ZBP1: variants seen among roughly 807,000 people sequenced by gnomAD.
ZBP1 encodes the protein Z-DNA binding protein 1, also known as Z-DNA-binding protein 1.
ZBP1 carries 42 observed loss-of-function variants against 41.1 expected under a neutral mutation model. That is an observed-to-expected ratio of 1.02 (90% confidence interval 0.80 to 1.32). The LOEUF (loss-of-function observed/expected upper bound fraction) is 1.32. ZBP1 is among the 40% of genes most tolerant of loss of function. ZBP1 has a pLI of 0.00. For missense variants in ZBP1, 562 were observed against 549.7 expected (o/e 1.02, Z -0.22); for synonymous variants, 214 against 205.2 (o/e 1.04, Z -0.37).
intron 3 of ZBP1, 76 bp downstream of exon 3, chr20:57,615,436 C>T: frequency 1.3e-6 from 2 of 1,499,472 alleles, no homozygotes; most frequent in Non-Finnish European, 1.9e-6. Context: ...AGATCTTGTA[C>T]CCTCAAGGAG....
intron 1 of ZBP1, among the ~76,000 whole-genome samples, chr20:57,619,177 G>C (rs1220009828): frequency 2.0e-5 from 3 of 152,248 alleles, no homozygotes; most frequent in Admixed American, 2.0e-4. Context: ...AAGCTCCACA[G>C]GACCTCCGCG....
intron 5 of ZBP1, among the ~76,000 whole-genome samples, chr20:57,612,495 C>T (rs1205463818): frequency 2.6e-5 from 4 of 152,204 alleles, no homozygotes; most frequent in African/African-American, 9.7e-5. Flanking sequence ...CAAGGTTCCT[C>T]ATTTCACAAC....
At chr20:57,615,886 G>A (rs1157263239) in intron 2 of ZBP1, 4 of 530,936 alleles carry the variant, frequency 7.5e-6, no homozygotes, top group Non-Finnish European at 1.3e-5. Context: ...TCTGGCTGTG[G>A]GCTGTAAAGC....
Position 57,616,251 on chromosome 20 carries a change from G to C in ZBP1, c.252C>G (p.Ser84=). Residue 84 remains serine (S), a synonymous_variant, in exon 2 of 8, where the codon TCC becomes TCG. Transcript: ENST00000371173. ...EGEGPAELAL[S]SPAERPQQHA... is the part of the protein sequence containing the mutation. ...CCCCGGGGTGGCAGTTACCAGGGCT[G>C]GACAAGGCCAGCTCTGCAGGACCCT... 6.2e-7 allele frequency: 1 copy of C among 1,614,122 alleles called. No individual in the cohort carries two copies. Among genetic ancestry groups the C allele is most frequent in the Non-Finnish European group, 8.5e-7 (1 of 1,180,006 alleles).
rs752604348 is a variant in ZBP1, at chr20:57,615,570, G to A, written c.270C>T (p.Pro90=). The change falls in exon 3 of 8, where the codon CCC becomes CCT. Residue 90 remains proline, a synonymous_variant. Coordinates refer to ENST00000371173, the MANE Select transcript of ZBP1 (RefSeq NM_030776.3). ...ELALSSPAER[P]QQHAATIPET... is the part of the protein sequence containing the mutation. Reference sequence around the variant, plus strand: ...CTGGAATTGTAGCTGCATGTTGCTGGGGCCTCTCGGCTGCAGAAAGAAAGA... The same window carrying A: ...CTGGAATTGTAGCTGCATGTTGCTGAGGCCTCTCGGCTGCAGAAAGAAAGA... The A allele has an allele frequency of 1.9e-6, 3 of 1,613,106 alleles. No individual in the cohort carries two copies. The South Asian group carries it at 3.3e-5, about 18-fold the overall frequency.
intron 3 of ZBP1, 106 bp downstream of exon 3, chr20:57,615,406 A>G: frequency 3.3e-6 from 4 of 1,225,558 alleles, no homozygotes; most frequent in African/African-American, 1.5e-5. Flanking sequence ...TGGGTGGGAC[A>G]GGGCCCCTGA....
rs1214803052 is a variant in ZBP1, at chr20:57,611,756, G to A, written c.845C>T (p.Pro282Leu). ...MRLHGVPSEG[P>L]AHIPPGSPPV... ...GGGGCTGCCAGGGGGGATGTGGGCA[G>A]GGCCCTCGGACGGGACGCCGTGGAG... Residue 282 changes from proline to leucine, a missense_variant, in exon 6 of 8, where the codon CCT (proline) becomes CTT (leucine). Transcript: ENST00000371173. 6.2e-7 allele frequency: 1 copy of A among 1,611,936 alleles called. No individual in the cohort carries two copies. Among genetic ancestry groups the A allele is most frequent in the African/African-American group, 1.3e-5 (1 of 74,900 alleles).
rs376286561 is a variant in ZBP1, at chr20:57,611,772, C to T, written c.829G>A (p.Val277Ile). ...GHSNEMRLHG[V>I]PSEGPAHIPP... is the part of the protein sequence containing the mutation. ...ATGTGGGCAGGGCCCTCGGACGGGA[C>T]GCCGTGGAGCCTCATCTCATTGCTG... is the stretch of plus-strand genomic sequence containing the variant. The change falls in exon 6 of 8, where the codon GTC (valine) becomes ATC (isoleucine). Residue 277 changes from valine (V) to isoleucine (I), a missense_variant. Transcript: ENST00000371173. 84 of 1,612,366 alleles carry T rather than the reference C, an allele frequency of 5.2e-5. No homozygotes were observed. Among genetic ancestry groups the T allele is most frequent in the Non-Finnish European group, 6.9e-5 (81 of 1,179,594 alleles).
In ZBP1 at chr20:57,616,345, T is replaced by C. The variant is rs35895307; in HGVS notation, c.158A>G (p.Lys53Arg). ...TGTGAGGGAGACTTTCAACTCCTTT[T>C]TCATTCGGTAGAGGACTTGGTTGAG... is the stretch of plus-strand genomic sequence containing the variant. ...RELNQVLYRM[K>R]KELKVSLTSP... The change falls in exon 2 of 8, where the codon AAA becomes AGA. Residue 53 changes from lysine to arginine, a missense_variant. By Grantham distance (26) the Lys-to-Arg change is conservative. Transcript: ENST00000371173. 5,626 of 1,614,158 alleles carry C rather than the reference T, an allele frequency of 3.5e-3. 151 individuals carry two copies. In the African/African-American group the frequency reaches 0.065, roughly 19 times the overall value.
Position 57,610,004 on chromosome 20 carries a change from G to GA in ZBP1, c.1093+144_1093+145insT, listed in dbSNP as rs1473031272. ...GAGCCTCCACGCTGACTCTAGAGCT[G>GA]CTGCTCCTCGCTGTGGGTGGGCACA... On this transcript the variant is annotated intron_variant, in intron 7 of 7. Coordinates refer to ENST00000371173, the MANE Select transcript of ZBP1 (RefSeq NM_030776.3). This position sits in a 1 kb window ranked among gnomAD's most constrained non-coding sequence, Gnocchi z 5.5. The GA allele has an allele frequency of 1.7e-4, 149 of 900,198 alleles. No homozygotes were observed. In the African/African-American group the frequency reaches 1.9e-3, roughly 12 times the overall value. 55.8% of individuals were successfully genotyped at this position (900,198 alleles called of 1,614,324 possible). A position where few individuals can be genotyped will look rare whatever the true frequency, so the allele number is the denominator to read the frequency against.
rs1336333227 is a variant in ZBP1, at chr20:57,610,535, C to A, written c.875-168G>T. ...CGCCACACCTCCACCCGCCACACCTCCGCTCGTGCTGTTGTGCTGTCTGGG... is the reference window on the plus strand; with the variant it reads ...CGCCACACCTCCACCCGCCACACCTACGCTCGTGCTGTTGTGCTGTCTGGG... On this transcript the variant is annotated intron_variant, in intron 6 of 7. Coordinates refer to ENST00000371173, the MANE Select transcript of ZBP1 (RefSeq NM_030776.3). The surrounding 1 kb of genome is among the most constrained non-coding windows in gnomAD (Gnocchi z 5.5). 3.0e-6 allele frequency: 2 copies of A among 666,224 alleles called. No homozygotes were observed. Among genetic ancestry groups the A allele is most frequent in the Admixed American group, 5.2e-5 (2 of 38,116 alleles). 41.3% of individuals were successfully genotyped at this position (666,224 alleles called of 1,614,324 possible).
Position 57,610,545 on chromosome 20 carries a change from T to C in ZBP1, c.875-178A>G, listed in dbSNP as rs1268799013. On this transcript the variant is annotated intron_variant, in intron 6 of 7. Transcript: ENST00000371173. The surrounding 1 kb of genome is among the most constrained non-coding windows in gnomAD (Gnocchi z 5.5). The stretch of plus-strand genomic sequence containing the variant: ...CCACCCGCCACACCTCCGCTCGTGC[T>C]GTTGTGCTGTCTGGGAAGCGTCTTT... 1.1e-5 allele frequency: 7 copies of C among 625,864 alleles called. No homozygotes were observed. In the East Asian group the frequency reaches 1.6e-4, roughly 15 times the overall value. The allele number at this position is 625,864 out of a possible 1,614,324, so 38.8% of individuals were successfully genotyped here. A position where few individuals can be genotyped will look rare whatever the true frequency, so the allele number is the denominator to read the frequency against.
Position 57,620,301 on chromosome 20 carries a change from C to T in ZBP1, c.-6G>A, listed in dbSNP as rs755059855. On this transcript the variant is annotated 5_prime_UTR_variant, in exon 1 of 8. Coordinates refer to ENST00000371173, the MANE Select transcript of ZBP1 (RefSeq NM_030776.3). ...TCAGCAGGAGCCTGGGCCATGCTGA[C>T]AGCAGCTGCAAGGAGTCGGAGAGAC... 6.3e-7 allele frequency: 1 copy of T among 1,595,696 alleles called. No homozygotes were observed. The highest frequency in any genetic ancestry group is 8.5e-7 in the Non-Finnish European group (1 of 1,170,636).
At chr20:57,608,166 G>A (rs985278264) in intron 7 of ZBP1, among the ~76,000 whole-genome samples, 5 of 151,650 alleles carry the variant, frequency 3.3e-5, no homozygotes, top group Non-Finnish European at 5.9e-5. Flanking sequence ...CTGTCGCCCA[G>A]GCTGGAGTGC....
At chr20:57,609,714 C>T (rs2070597536) in intron 7 of ZBP1, among the ~76,000 whole-genome samples, 1 of 152,118 alleles carries the variant, frequency 6.6e-6, no homozygotes, top group African/African-American at 2.4e-5. Flanking sequence ...AGCCTGTGCC[C>T]TGATGCAGAA....
In ZBP1 at chr20:57,616,324, A is replaced by C; in HGVS notation, c.179T>G (p.Leu60Arg). The change falls in exon 2 of 8, where the codon CTC becomes CGC. Residue 60 changes from leucine to arginine, a missense_variant. By Grantham distance (102) the Leu-to-Arg change is moderately radical. Transcript: ENST00000371173. ...CAAGCACCAGGTGGCAGGGGATGTGAGGGAGACTTTCAACTCCTTTTTCAT... is the reference window on the plus strand; with the variant it reads ...CAAGCACCAGGTGGCAGGGGATGTGCGGGAGACTTTCAACTCCTTTTTCAT... ...YRMKKELKVS[L>R]TSPATWCLGG... 1.4e-5 allele frequency: 23 copies of C among 1,614,160 alleles called. No homozygotes were observed. The highest frequency in any genetic ancestry group is 1.9e-5 in the Non-Finnish European group (23 of 1,180,026).
rs371939630 is a variant in ZBP1, at chr20:57,616,420, G to A, written c.83C>T (p.Pro28Leu). 92 of 1,614,072 alleles carry A rather than the reference G, an allele frequency of 5.7e-5. No individual in the cohort carries two copies. The highest frequency in any genetic ancestry group is 2.1e-4 in the South Asian group (19 of 91,074). Residue 28 changes from proline (P) to leucine (L), a missense_variant, in exon 2 of 8, where the codon CCG (proline) becomes CTG (leucine). By Grantham distance (98) the Pro-to-Leu change is moderately conservative (BLOSUM62 -3). Transcript: ENST00000371173. ...ILQVLTEAGS[P>L]VKLAQLVKEC... is the part of the protein sequence containing the mutation. ...CTTCACCAGCTGGGCAAGTTTCACC[G>A]GGGAGCCAGCCTCTGTCAGCACCTG...
Position 57,607,025 on chromosome 20 carries a change from C to G in ZBP1, c.1094-2256G>C, listed in dbSNP as rs576882856. The G allele has an allele frequency of 5.5e-6, 7 of 1,280,834 alleles. No individual in the cohort carries two copies. In the African/African-American group the frequency reaches 1.1e-4, roughly 20 times the overall value. The allele number at this position is 1,280,834 out of a possible 1,614,324, so 79.3% of individuals were successfully genotyped here. A position where few individuals can be genotyped will look rare whatever the true frequency, so the allele number is the denominator to read the frequency against. On this transcript the variant is annotated intron_variant, in intron 7 of 7. Coordinates refer to ENST00000371173, the MANE Select transcript of ZBP1 (RefSeq NM_030776.3). ...TGCTAGCACAGCATCCATTCTGCAGCCCATGGATTAAGGAGTAACTTCAAC... is the reference window on the plus strand; with the variant it reads ...TGCTAGCACAGCATCCATTCTGCAGGCCATGGATTAAGGAGTAACTTCAAC...
chr20:57,618,096 T>C (rs919360303), intron 1 of ZBP1: 1 of 152,210 alleles, frequency 6.6e-6, no homozygotes, highest in Non-Finnish European at 1.5e-5. Context: ...GCTCACACAA[T>C]GATTAAAAGA....
Sources: gnomAD v4.1 joint callset for allele counts (sites outside exome capture counted in the v4.1 genomes callset) on GRCh38, gnomAD v4.1.1 for gene constraint, Gnocchi (gnomAD v3.1) non-coding constraint, MANE v1.5 for transcripts, NCBI Gene and HGNC (gene_info 2026-07-23, HGNC 2026-07-21) for gene names.